BTBD7: variants seen among roughly 807,000 people sequenced by gnomAD.
The protein encoded by BTBD7 is BTB/POZ domain-containing protein 7.
BTBD7 carries 38 observed loss-of-function variants against 99.9 expected under a neutral mutation model. The observed-to-expected ratio is 0.38, with a 90% CI of 0.29 to 0.50. BTBD7 has a LOEUF of 0.50. Among genes scored for constraint, BTBD7 ranks in the 20% least tolerant of loss-of-function variants. The probability of loss-of-function intolerance (pLI) is 0.93; values close to 1 mark genes in which losing one functional copy is unlikely to be tolerated. For missense variants in BTBD7, 1,170 were observed against 1,394.6 expected (o/e 0.84, Z 2.57); for synonymous variants, 520 against 511.4 (o/e 1.02, Z -0.23).
In BTBD7 at chr14:93,308,629, A is replaced by C. The variant is rs558978605; in HGVS notation, c.-106-12472T>G. Among the ~76,000 whole-genome samples, 18 of 152,356 alleles carry C rather than the reference A, an allele frequency of 1.2e-4. No individual in the cohort carries two copies. The East Asian group carries it at 3.3e-3, about 28-fold the overall frequency. ...GGTGTCCACAGATAGATGAATGGGA[A>C]AACAAAATGTGGTGTATACATAGAG... On this transcript the variant is annotated intron_variant, in intron 1 of 10. Transcript: ENST00000334746.
chr14:93,251,319 G>C, intron 8 of BTBD7, 144 bp downstream of exon 8: 1 of 896,312 alleles, frequency 1.1e-6, no homozygotes, highest in Non-Finnish European at 1.6e-6. Context: ...TGGCTTAAAA[G>C]TGTTTATTCT....
chr14:93,306,495 A>T (rs2053072554), intron 1 of BTBD7, among the ~76,000 whole-genome samples: 1 of 151,984 alleles, frequency 6.6e-6, no homozygotes, highest in Non-Finnish European at 1.5e-5. Flanking sequence ...ACAGAACATA[A>T]AGAAGTCTAA....
At chr14:93,261,816 G>C in intron 4 of BTBD7, 139 bp from the exon 5 acceptor site, 4 of 641,994 alleles carry the variant, frequency 6.2e-6, no homozygotes, top group Non-Finnish European at 1.1e-5. Context: ...TGAAGTTTTA[G>C]TGTTAAATCT....
intron 1 of BTBD7, among the ~76,000 whole-genome samples, chr14:93,299,635 C>G (rs953876719): frequency 6.7e-6 from 1 of 150,174 alleles, no homozygotes; most frequent in Non-Finnish European, 1.5e-5. Flanking sequence ...CTAAAATAAG[C>G]TCCAGTGATC....
chr14:93,242,585 G>A lies in BTBD7; in HGVS notation c.3087C>T (p.Val1029=), dbSNP rs113142695. ...CTGACCGCTGGGGAGGTTGCTCAAC[G>A]ACATCCAGGTGTATCGGCTCATTCT... ...RQKNEPIHLD[V]VEQPPQRSDF... is the part of the protein sequence containing the mutation. Residue 1029 remains valine (V), a synonymous_variant, in exon 11 of 11, where the codon GTC becomes GTT. Coordinates refer to ENST00000334746, the MANE Select transcript of BTBD7 (RefSeq NM_001002860.4). 91 of 1,614,078 alleles carry A rather than the reference G, an allele frequency of 5.6e-5. No homozygotes were observed. In the African/African-American group the frequency reaches 8.4e-4, roughly 15 times the overall value.
intron 6 of BTBD7, chr14:93,256,923 A>G (rs976455884): frequency 1.0e-5 from 4 of 386,548 alleles, no homozygotes; most frequent in Non-Finnish European, 1.8e-5. Context: ...CTTGATCTAC[A>G]CTTAAATGAC....
chr14:93,323,113 A>G (rs1453290686), intron 1 of BTBD7, among the ~76,000 whole-genome samples: 2 of 152,122 alleles, frequency 1.3e-5, no homozygotes, highest in Non-Finnish European at 2.9e-5. Context: ...CAGAATGAGT[A>G]TCCTGTCTCT....
At position 93,312,634 on chromosome 14, in the gene BTBD7, C is replaced by A. The variant is rs576159494; in HGVS notation, c.-106-16477G>T. The stretch of plus-strand genomic sequence containing the variant: ...TGAGCCCCCAACCTGTCTCTTGGAA[C>A]ACAAGCCCTACAGGAGACTGAGGCT... On this transcript the variant is annotated intron_variant, in intron 1 of 10. Coordinates refer to ENST00000334746, the MANE Select transcript of BTBD7 (RefSeq NM_001002860.4). Among the ~76,000 whole-genome samples, 4 of 152,248 alleles carry A rather than the reference C, an allele frequency of 2.6e-5. No individual in the cohort carries two copies. The East Asian group carries it at 7.7e-4, about 29-fold the overall frequency.
At chr14:93,289,083 G>A (rs986242106) in intron 3 of BTBD7, among the ~76,000 whole-genome samples, 2 of 152,010 alleles carry the variant, frequency 1.3e-5, no homozygotes, top group African/African-American at 4.8e-5. Context: ...GAGGGGGCGG[G>A]GACAAGGGCA....
At chr14:93,311,379 T>G (rs1359619766) in intron 1 of BTBD7, among the ~76,000 whole-genome samples, 1 of 152,160 alleles carries the variant, frequency 6.6e-6, no homozygotes, top group Non-Finnish European at 1.5e-5. Flanking sequence ...GTCATTTCCT[T>G]AAAGAAGCCC....
chr14:93,274,113 T>C (rs779965544), intron 3 of BTBD7, among the ~76,000 whole-genome samples: 6 of 152,248 alleles, frequency 3.9e-5, no homozygotes, highest in Non-Finnish European at 8.8e-5. Flanking sequence ...GTAGGCTGCC[T>C]AGGCCTGCTG....
At chr14:93,299,196 G>A (rs2052964108) in intron 1 of BTBD7, among the ~76,000 whole-genome samples, 2 of 152,178 alleles carry the variant, frequency 1.3e-5, no homozygotes, top group South Asian at 2.1e-4. Context: ...GGGTAACCCT[G>A]ACTACAGTTC....
At chr14:93,288,211 T>C (rs1384008435) in intron 3 of BTBD7, 2 of 329,280 alleles carry the variant, frequency 6.1e-6, no homozygotes, top group Admixed American at 9.3e-5. Context: ...TGGAAATATT[T>C]CTTATATTAC....
At position 93,243,028 on chromosome 14, in the gene BTBD7, ACAGTGT is replaced by A. The variant is rs753046484; in HGVS notation, c.2638_2643del (p.Thr880_Leu881del). Reference sequence around the variant, plus strand: ...TCTGGAAGCCTCCTGTCCTTGAGTGACAGTGTGGACACACCCACCGCGATGTCTGGC... The same window carrying A: ...TCTGGAAGCCTCCTGTCCTTGAGTGAGGACACACCCACCGCGATGTCTGGC... On this transcript the variant is annotated inframe_deletion, in exon 11 of 11. Transcript: ENST00000334746. 1 of 1,614,046 alleles carries A rather than the reference ACAGTGT, an allele frequency of 6.2e-7. No homozygotes were observed. The highest frequency in any genetic ancestry group is 8.5e-7 in the Non-Finnish European group (1 of 1,180,010).
chr14:93,332,047 G>A (rs886516475), intron 1 of BTBD7, among the ~76,000 whole-genome samples: 1 of 152,138 alleles, frequency 6.6e-6, no homozygotes, highest in Non-Finnish European at 1.5e-5. Context: ...TATCTGTGCT[G>A]GTATGTGAAG....
At chr14:93,270,454 A>G (rs531617239) in intron 3 of BTBD7, among the ~76,000 whole-genome samples, 15 of 152,148 alleles carry the variant, frequency 9.9e-5, no homozygotes, top group African/African-American at 1.4e-4. Flanking sequence ...ACACTTTAAG[A>G]GGCTGAGGCA....
At chr14:93,243,624 G>A (rs2052265741) in intron 10 of BTBD7, among the ~76,000 whole-genome samples, 1 of 152,132 alleles carries the variant, frequency 6.6e-6, no homozygotes, top group East Asian at 1.9e-4. Flanking sequence ...CATATATACT[G>A]ATGAAATTTA....
In BTBD7 at chr14:93,251,515, C is replaced by A. The variant is rs759644621; in HGVS notation, c.1890G>T (p.Gln630His). 6.2e-7 allele frequency: 1 copy of A among 1,612,890 alleles called. No homozygotes were observed. The highest frequency in any genetic ancestry group is 1.3e-5 in the African/African-American group (1 of 74,916). The change falls in exon 8 of 11, where the codon CAG (glutamine) becomes CAT (histidine). Residue 630 changes from glutamine (Q) to histidine (H), a missense_variant. Around this residue, in one of 4 missense-constraint regions of BTBD7, gnomAD observed 309 missense variants for 342.0 expected, o/e 0.90. Transcript: ENST00000334746. ...GAGGGCTTGACTGGTTGCTGCTGAT[C>A]TGCTGGTGGCTGATCATGTGACAAC... Reference protein sequence around the residue: ...PQCCHMISHQQISSNQSSPPS... With the variant: ...PQCCHMISHQHISSNQSSPPS...
At chr14:93,286,260 T>C (rs544897566) in intron 3 of BTBD7, among the ~76,000 whole-genome samples, 2 of 152,322 alleles carry the variant, frequency 1.3e-5, no homozygotes, top group East Asian at 3.9e-4. Context: ...CTGCCTCCTA[T>C]GAAGACATAC....
Sources: gnomAD v4.1 joint callset for allele counts (sites outside exome capture counted in the v4.1 genomes callset) on GRCh38, gnomAD v4.1.1 for gene constraint, gnomAD v4.1.1 regional missense constraint, MANE v1.5 for transcripts, NCBI Gene and HGNC (gene_info 2026-07-23, HGNC 2026-07-21) for gene names.